COL6A3: variants seen among roughly 807,000 people sequenced by gnomAD.
COL6A3 encodes collagen type VI alpha 3 chain, also known as collagen alpha-3(VI) chain.
COL6A3 carries 137 observed loss-of-function variants against 274.1 expected under a neutral mutation model. That is an observed-to-expected ratio of 0.50 (90% CI 0.44 to 0.58). COL6A3 has a LOEUF of 0.58. Ranked by LOEUF, COL6A3 falls within the 20% of genes least tolerant of loss-of-function variation. The pLI is 0.00. For missense variants in COL6A3, 3,950 were observed against 4,124.9 expected, an observed-to-expected ratio of 0.96 and a Z score of 1.16; for synonymous variants, 1,650 against 1,650.6, an observed-to-expected ratio of 1.00 and a Z score of 0.01.
intron 25 of COL6A3, among the ~76,000 whole-genome samples, chr2:237,353,053 A>G (rs2077240954): frequency 6.6e-6 from 1 of 152,226 alleles, no homozygotes; most frequent in East Asian, 1.9e-4. Flanking sequence ...TTCCATTTAT[A>G]CAAAATATCC....
rs146699534 is a variant in COL6A3, at chr2:237,352,700, G to A, written c.6691-116C>T. On this transcript the variant is annotated intron_variant, in intron 25 of 43. Transcript: ENST00000295550. ...AACCTCACTTCTGCTGGCCAAAAACGGCCACCAAAACCCACAATTATCCTG... is the reference window on the plus strand; with the variant it reads ...AACCTCACTTCTGCTGGCCAAAAACAGCCACCAAAACCCACAATTATCCTG... The A allele has an allele frequency of 3.5e-4, 336 of 963,374 alleles. 3 individuals are homozygous for A. The Middle Eastern group carries it at 8.6e-3, about 25-fold the overall frequency. 59.7% of individuals were successfully genotyped at this position (963,374 alleles called of 1,614,324 possible).
intron 1 of COL6A3, among the ~76,000 whole-genome samples, chr2:237,408,757 AG>A (rs1454605041): frequency 1.3e-5 from 2 of 152,178 alleles, no homozygotes; most frequent in Non-Finnish European, 2.9e-5. Context: ...GTAATTCATG[AG>A]TTTAAACTTC....
At position 237,341,020 on chromosome 2, in the gene COL6A3, C is replaced by T. The variant is rs1378457056; in HGVS notation, c.7896G>A (p.Leu2632=). ...ACTTCTTCATCTCATTGAACTGGAA[C>T]AGGGTGGTGGTCTCAGCGCTGTCTA... ...FILDSAETTT[L]FQFNEMKKYI... Residue 2632 remains leucine, a synonymous_variant, in exon 38 of 44, where the codon CTG becomes CTA. Coordinates refer to ENST00000295550, the MANE Select transcript of COL6A3 (RefSeq NM_004369.4). The T allele has an allele frequency of 2.5e-5, 40 of 1,614,198 alleles. No homozygotes were observed. The highest frequency in any genetic ancestry group is 3.3e-5 in the Non-Finnish European group (39 of 1,180,042).
At chr2:237,395,680 G>T (rs1195206564) in intron 2 of COL6A3, among the ~76,000 whole-genome samples, 1 of 152,216 alleles carries the variant, frequency 6.6e-6, no homozygotes, top group East Asian at 1.9e-4. Context: ...AACCCCCAAT[G>T]CTTTGGGTAA....
chr2:237,345,570 G>A (rs1459137360), intron 32 of COL6A3, among the ~76,000 whole-genome samples: 1 of 152,110 alleles, frequency 6.6e-6, no homozygotes, highest in Non-Finnish European at 1.5e-5. Flanking sequence ...CTGCCGAAGG[G>A]GCAGTGAGAG....
chr2:237,351,881 A>T (rs1275366812), intron 26 of COL6A3, among the ~76,000 whole-genome samples: 1 of 152,258 alleles, frequency 6.6e-6, no homozygotes, highest in African/African-American at 2.4e-5. Context: ...TTGTACATTT[A>T]TGTAGCAACA....
At chr2:237,325,847 G>A (rs1448850007) in intron 42 of COL6A3, 123 bp from the exon 43 acceptor site, 1 of 786,230 alleles carries the variant, frequency 1.3e-6, no homozygotes. Flanking sequence ...GAGCTTCCAG[G>A]TGAAAACTCC....
At chr2:237,354,320 T>C (rs74663539) in intron 24 of COL6A3, among the ~76,000 whole-genome samples, 3 of 50,714 alleles carry the variant, frequency 5.9e-5, no homozygotes, top group East Asian at 6.0e-4. Context: ...CCTGGCCAGA[T>C]TTTTTTTTTT....
chr2:237,333,607 T>A, intron 41 of COL6A3, 59 bp from the exon 42 acceptor site: 1 of 1,442,458 alleles, frequency 6.9e-7, no homozygotes, highest in South Asian at 1.2e-5. Context: ...GGCTTGGGAA[T>A]CCTTAGTGAC....
intron 39 of COL6A3, chr2:237,338,805 G>T: frequency 1.8e-6 from 1 of 550,858 alleles, no homozygotes; most frequent in Non-Finnish European, 3.2e-6. Flanking sequence ...GGTGGTTGTT[G>T]TTTTAAGCCA....
intron 27 of COL6A3, among the ~76,000 whole-genome samples, 181 bp downstream of exon 27, chr2:237,350,949 A>C (rs1433337399): frequency 6.6e-6 from 1 of 152,146 alleles, no homozygotes; most frequent in Non-Finnish European, 1.5e-5. Context: ...GGTGGGAATT[A>C]TGGTGGGGAT....
rs186574887 is a variant in COL6A3, at chr2:237,404,673, T to C, written c.-30-7826A>G. Among the ~76,000 whole-genome samples the C allele has an allele frequency of 8.5e-5, 13 of 152,316 alleles. No individual in the cohort carries two copies. In the South Asian group the frequency reaches 2.7e-3, roughly 32 times the overall value. The stretch of plus-strand genomic sequence containing the variant: ...TTATGCCTTGAGCAGGTTTTGCTAA[T>C]GGTTTTCTTAATCATTCCCATACCT... On this transcript the variant is annotated intron_variant, in intron 1 of 43. Transcript: ENST00000295550.
chr2:237,357,200 G>T (rs2077337200), intron 23 of COL6A3, 138 bp downstream of exon 23: 1 of 810,442 alleles, frequency 1.2e-6, no homozygotes, highest in South Asian at 1.3e-5. Flanking sequence ...AAATAGATTG[G>T]AGTAACAACC....
chr2:237,357,865 G>A lies in COL6A3; in HGVS notation c.6489C>T (p.Asp2163=), dbSNP rs758376967. ...IRGDPGNPGQ[D]SQERGPKGET... is the part of the protein sequence containing the mutation. ...CTCCTTTGGGTCCTCTCTCCTGGCT[G>A]TCTTGTCCTGGGTTACCCTGAAAGC... Residue 2163 remains aspartate, a synonymous_variant, in exon 22 of 44, where the codon GAC becomes GAT. Coordinates refer to ENST00000295550, the MANE Select transcript of COL6A3 (RefSeq NM_004369.4). 1.9e-6 allele frequency: 3 copies of A among 1,614,166 alleles called. No individual in the cohort carries two copies. Among genetic ancestry groups the A allele is most frequent in the East Asian group, 2.2e-5 (1 of 44,884 alleles).
At position 237,338,952 on chromosome 2, in the gene COL6A3, T is replaced by G. The variant is rs547239998; in HGVS notation, c.8567+63A>C. On this transcript the variant is annotated intron_variant, in intron 39 of 43. Coordinates refer to ENST00000295550, the MANE Select transcript of COL6A3 (RefSeq NM_004369.4). ...CTCATCCCATAAAGTCAGGAGGTGGTTGGAGGACCTGTGCATTCCCTGCAG... is the reference window on the plus strand; with the variant it reads ...CTCATCCCATAAAGTCAGGAGGTGGGTGGAGGACCTGTGCATTCCCTGCAG... 9.2e-6 allele frequency: 12 copies of G among 1,305,706 alleles called. No homozygotes were observed. In the East Asian group the frequency reaches 2.8e-4, roughly 30 times the overall value. The allele number at this position is 1,305,706 out of a possible 1,614,324, so 80.9% of individuals were successfully genotyped here.
At chr2:237,333,017 G>A (rs1027548748) in intron 42 of COL6A3, 15 of 293,334 alleles carry the variant, frequency 5.1e-5, no homozygotes, top group African/African-American at 3.3e-4. Flanking sequence ...AACACCCCAT[G>A]GGTCAGATCC....
intron 16 of COL6A3, among the ~76,000 whole-genome samples, chr2:237,360,385 G>A (rs2077408521): frequency 1.3e-5 from 2 of 152,120 alleles, no homozygotes; most frequent in Admixed American, 1.3e-4. Flanking sequence ...ATCTGGGAGG[G>A]TAGCAGCGCA....
chr2:237,336,205 G>A lies in COL6A3; in HGVS notation c.8895C>T (p.Thr2965=), dbSNP rs114008087. ...CCTGTGGCCTAGGGACCTCAGGCTT[G>A]GTCGCCACTGGTTTTGCAGCAGCAG... is the stretch of plus-strand genomic sequence containing the variant. ...PAAAAAKPVA[T]KPEVPRPQAA... Residue 2965 remains threonine, a synonymous_variant, in exon 40 of 44, where the codon ACC becomes ACT. Coordinates refer to ENST00000295550, the MANE Select transcript of COL6A3 (RefSeq NM_004369.4). 6.2e-7 allele frequency: 1 copy of A among 1,613,722 alleles called. No individual in the cohort carries two copies. The highest frequency in any genetic ancestry group is 1.1e-5 in the South Asian group (1 of 91,070).
chr2:237,413,424 G>A lies in COL6A3; in HGVS notation c.-31+529C>T, dbSNP rs1248704841. Among the ~76,000 whole-genome samples, 1 of 152,206 alleles carries A rather than the reference G, an allele frequency of 6.6e-6. No individual in the cohort carries two copies. The highest frequency in any genetic ancestry group is 1.5e-5 in the Non-Finnish European group (1 of 68,042). Reference sequence around the variant, plus strand: ...TGAGCACCAGAGTTACTCCAATCTTGTGAAAGCAGCAAATGTGCTCCACCA... The same window carrying A: ...TGAGCACCAGAGTTACTCCAATCTTATGAAAGCAGCAAATGTGCTCCACCA... On this transcript the variant is annotated intron_variant, in intron 1 of 43. Transcript: ENST00000295550. The surrounding 1 kb of genome is among the most constrained non-coding windows in gnomAD (Gnocchi z 4.0).
Sources: allele counts gnomAD v4.1 joint callset (sites outside exome capture counted in the v4.1 genomes callset), GRCh38; gene constraint gnomAD v4.1.1; non-coding constraint Gnocchi (gnomAD v3.1); transcripts MANE v1.5; gene names NCBI Gene and HGNC (gene_info 2026-07-23, HGNC 2026-07-21).